CCDC73: variants seen among roughly 807,000 people sequenced by gnomAD.
The protein encoded by CCDC73 is coiled-coil domain containing 73.
In CCDC73, 95 loss-of-function variants were observed where a neutral mutation model predicts 116.5. The ratio of observed to expected loss-of-function variants is 0.82; its 90% CI spans 0.69 to 0.97. CCDC73 has a LOEUF of 0.97. CCDC73 is among the 50% of genes least tolerant of loss of function. The pLI, the probability that CCDC73 is intolerant of heterozygous loss-of-function variation, is 0.00. For missense variants in CCDC73, 1,066 were observed against 1,206.8 expected, an observed-to-expected ratio of 0.88 and a Z score of 1.73; for synonymous variants, 398 against 401.3, an observed-to-expected ratio of 0.99 and a Z score of 0.10.
chr11:32,702,518 C>T (rs1486580), intron 4 of CCDC73, among the ~76,000 whole-genome samples: 37,422 of 151,850 alleles, frequency 0.25, 5,792 homozygotes, highest in East Asian at 0.79. Context: ...TTGGGTAAAG[C>T]GGTACTATGG....
chr11:32,809,636 A>G, the CCDC73 span, among the ~76,000 whole-genome samples: 2 of 152,210 alleles, frequency 1.3e-5, no homozygotes, highest in African/African-American at 4.8e-5. Flanking sequence ...GCATCCCACA[A>G]GAGTTAAACA....
rs772319997 is a variant in CCDC73, at chr11:32,614,033, T to A, written c.2285A>T (p.Asn762Ile). 6.2e-7 allele frequency: 1 copy of A among 1,612,368 alleles called. No individual in the cohort carries two copies. The highest frequency in any genetic ancestry group is 8.5e-7 in the Non-Finnish European group (1 of 1,179,840). Residue 762 changes from asparagine to isoleucine, a missense_variant, in exon 16 of 18, where the codon AAC becomes ATC. Coordinates refer to ENST00000335185, the MANE Select transcript of CCDC73 (RefSeq NM_001008391.4). ...MSDMQNSQFN[N>I]CLGYLENTNV... ...AGTGTTTTCTAAGTATCCCAAACAG[T>A]TATTAAATTGACTGTTTTGCATATC... is the stretch of plus-strand genomic sequence containing the variant.
chr11:32,722,063 C>T (rs1849994959), intron 2 of CCDC73, among the ~76,000 whole-genome samples: 1 of 152,152 alleles, frequency 6.6e-6, no homozygotes, highest in Non-Finnish European at 1.5e-5. Flanking sequence ...TGGGAGTTAG[C>T]ATCTCACATG....
intron 3 of CCDC73, among the ~76,000 whole-genome samples, chr11:32,714,391 C>G (rs773816017): frequency 2.0e-4 from 31 of 152,018 alleles, no homozygotes; most frequent in Non-Finnish European, 4.0e-4. Context: ...CAAAACACTC[C>G]AAGGGACTAA....
the CCDC73 span, among the ~76,000 whole-genome samples, chr11:32,826,045 C>T: frequency 3.9e-5 from 6 of 152,274 alleles, no homozygotes; most frequent in South Asian, 4.1e-4. Context: ...TTTTATTTAA[C>T]TTTTTTGTTA....
intron 14 of CCDC73, among the ~76,000 whole-genome samples, chr11:32,630,488 C>T (rs376126453): frequency 5.3e-5 from 8 of 152,082 alleles, no homozygotes; most frequent in African/African-American, 7.2e-5. Flanking sequence ...AGATCACAGG[C>T]GCACGTCACC....
At chr11:32,711,696 G>T (rs1379039452) in intron 3 of CCDC73, among the ~76,000 whole-genome samples, 3 of 152,002 alleles carry the variant, frequency 2.0e-5, no homozygotes, top group African/African-American at 4.8e-5. Context: ...CCAAAATCTT[G>T]GAAATGACCA....
intron 2 of CCDC73, among the ~76,000 whole-genome samples, chr11:32,754,265 T>C (rs1694587167): frequency 4.6e-5 from 7 of 152,154 alleles, no homozygotes; most frequent in Admixed American, 4.6e-4. Flanking sequence ...AAAAAGGTAA[T>C]CATTGAAATT....
chr11:32,780,277 AAAT>A (rs575459203), intron 1 of CCDC73, among the ~76,000 whole-genome samples: 1 of 151,968 alleles, frequency 6.6e-6, no homozygotes, highest in African/African-American at 2.4e-5. Flanking sequence ...CTGTCTCAAA[AAAT>A]AATAATAATA....
At chr11:32,776,989 G>GTATATATATATATATATATA (rs71063758) in intron 1 of CCDC73, among the ~76,000 whole-genome samples, 2 of 101,140 alleles carry the variant, frequency 2.0e-5, no homozygotes, top group African/African-American at 3.7e-5. Context: ...ATATACACAT[G>GTATATATATATATATATATA]TATATATATA....
At chr11:32,810,736 A>C in the CCDC73 span, among the ~76,000 whole-genome samples, 1 of 152,146 alleles carries the variant, frequency 6.6e-6, no homozygotes, top group Non-Finnish European at 1.5e-5. Flanking sequence ...TACAATCCTT[A>C]AGTCAAGTCT....
intron 8 of CCDC73, 65 bp downstream of exon 8, chr11:32,675,821 A>C (rs368916639): frequency 1.5e-6 from 2 of 1,360,498 alleles, no homozygotes; most frequent in African/African-American, 1.5e-5. Context: ...CAATGTATTC[A>C]TAGTAAATAA....
At chr11:32,645,594 T>C (rs947148284) in intron 12 of CCDC73, among the ~76,000 whole-genome samples, 2 of 152,074 alleles carry the variant, frequency 1.3e-5, no homozygotes, top group Non-Finnish European at 2.9e-5. Context: ...TGGCCAACTT[T>C]TTTTTTTAAT....
chr11:32,653,367 A>C (rs888752896), intron 11 of CCDC73, 140 bp from the exon 12 acceptor site: 23 of 507,872 alleles, frequency 4.5e-5, no homozygotes, highest in Non-Finnish European at 6.5e-5. Flanking sequence ...AACTAATGGC[A>C]CATCTAATGG....
chr11:32,604,647 T>G (rs1284713259), intron 17 of CCDC73: 2 of 152,222 alleles, frequency 1.3e-5, no homozygotes, highest in South Asian at 2.1e-4. Context: ...CTCCATCATA[T>G]TCTGTGTTCT....
chr11:32,802,846 A>C, the CCDC73 span, among the ~76,000 whole-genome samples: 1 of 151,806 alleles, frequency 6.6e-6, no homozygotes, highest in Non-Finnish European at 1.5e-5. Flanking sequence ...TCTGCCTCCC[A>C]GGTTCAAGCA....
chr11:32,622,715 C>T (rs1855533935), intron 14 of CCDC73, among the ~76,000 whole-genome samples: 1 of 127,772 alleles, frequency 7.8e-6, no homozygotes, highest in Non-Finnish European at 1.6e-5. Flanking sequence ...GGACACAGCT[C>T]ACTTGGGCGG....
At chr11:32,621,453 G>A (rs1485659304) in intron 14 of CCDC73, among the ~76,000 whole-genome samples, 1 of 152,194 alleles carries the variant, frequency 6.6e-6, no homozygotes, top group Non-Finnish European at 1.5e-5. Context: ...ATGGTGCTGG[G>A]AAAACTGGCT....
chr11:32,704,525 C>T (rs544731980), intron 3 of CCDC73, among the ~76,000 whole-genome samples: 1 of 152,308 alleles, frequency 6.6e-6, no homozygotes, highest in Admixed American at 6.5e-5. Flanking sequence ...GGTGGCTCAG[C>T]GCGGGCCCAC....
Sources: allele counts gnomAD v4.1 joint callset (sites outside exome capture counted in the v4.1 genomes callset), GRCh38; gene constraint gnomAD v4.1.1; transcripts MANE v1.5; gene names NCBI Gene and HGNC (gene_info 2026-07-23, HGNC 2026-07-21).